The following UGT2B7 variants were observed in gnomAD, a reference collection of about 807,000 sequenced individuals.
UGT2B7 encodes UDP glucuronosyltransferase family 2 member B7, also known as UDP-glucuronosyltransferase 2B7.
In UGT2B7, 51 loss-of-function variants were observed where a neutral mutation model predicts 51.9. That is an observed-to-expected ratio of 0.98 (90% confidence interval 0.78 to 1.24). The LOEUF is 1.24. Among genes scored for constraint, UGT2B7 ranks in the 50% most tolerant of loss-of-function variants. UGT2B7 has a pLI of 0.00. For missense variants in UGT2B7, 727 were observed against 628.4 expected (o/e 1.16, Z -1.68); for synonymous variants, 225 against 211.6 (o/e 1.06, Z -0.55).
chr4:69,077,205 C>G (rs1351041645), intron 1 of UGT2B7, among the ~76,000 whole-genome samples: 2 of 152,102 alleles, frequency 1.3e-5, no homozygotes, highest in African/African-American at 4.8e-5. Context: ...GGTTTGAAGT[C>G]AGGCAGCATG....
At chr4:69,103,181 G>A (rs1459692947) in intron 3 of UGT2B7, among the ~76,000 whole-genome samples, 1 of 151,934 alleles carries the variant, frequency 6.6e-6, no homozygotes, top group East Asian at 1.9e-4. Context: ...ATGGAGAAAG[G>A]TATTTAAAAA....
At chr4:69,095,804 C>A (rs905339382), upstream of UGT2B7, among the ~76,000 whole-genome samples, 1 of 152,036 alleles carries the variant, frequency 6.6e-6, no homozygotes, top group Non-Finnish European at 1.5e-5. Flanking sequence ...CATAAATGAA[C>A]CTTTAAAATA....
chr4:69,062,042 C>T (rs902615198), intron 1 of UGT2B7, among the ~76,000 whole-genome samples: 4 of 152,128 alleles, frequency 2.6e-5, no homozygotes, highest in African/African-American at 4.8e-5. Context: ...TGGCTGAAAT[C>T]GTTCAGGACT....
At chr4:69,109,348 C>T (rs1335857763) in intron 5 of UGT2B7, among the ~76,000 whole-genome samples, 1 of 152,150 alleles carries the variant, frequency 6.6e-6, no homozygotes, top group African/African-American at 2.4e-5. Context: ...TTCATGACTA[C>T]CACCAGCAGT....
chr4:69,106,689 G>T (rs1263730449), intron 3 of UGT2B7, among the ~76,000 whole-genome samples: 1 of 151,970 alleles, frequency 6.6e-6, no homozygotes, highest in Non-Finnish European at 1.5e-5. Context: ...TTCCACAATG[G>T]TTGAACAAAC....
chr4:69,112,668 G>A lies in UGT2B7; in HGVS notation c.1522G>A (p.Val508Ile), dbSNP rs112292219. 187 of 1,613,786 alleles carry A rather than the reference G, an allele frequency of 1.2e-4. 2 individuals carry two copies. The African/African-American group carries it at 2.1e-3, about 19-fold the overall frequency. Residue 508 changes from valine (V) to isoleucine (I), a missense_variant, in exon 6 of 6, where the codon GTC becomes ATC. Val to Ile is a conservative substitution (Grantham distance 29, BLOSUM62 3). Transcript: ENST00000305231. ...CTGTGTGGCAACTGTGATATTTATC[G>A]TCACAAAATGTTGTCTGTTTTGTTT... ...LVCVATVIFI[V>I]TKCCLFCFWK...
At chr4:69,100,594 C>A (rs1325552398) in intron 2 of UGT2B7, among the ~76,000 whole-genome samples, 1 of 151,928 alleles carries the variant, frequency 6.6e-6, no homozygotes, top group Non-Finnish European at 1.5e-5. Flanking sequence ...CCACCCTACC[C>A]TACTCTTGAA....
At chr4:69,094,339 G>A (rs1719163215), upstream of UGT2B7, among the ~76,000 whole-genome samples, 2 of 47,048 alleles carry the variant, frequency 4.3e-5, 1 homozygote, top group African/African-American at 2.6e-4. Context: ...TAGTAGAGAC[G>A]GGGTTTCACC....
chr4:69,101,282 G>GA (rs891224343), intron 2 of UGT2B7, among the ~76,000 whole-genome samples: 3 of 151,760 alleles, frequency 2.0e-5, no homozygotes, highest in Non-Finnish European at 2.9e-5. Context: ...AAGCCATGAT[G>GA]AAAAAATATA....
chr4:69,075,190 G>A (rs556148013), intron 1 of UGT2B7, among the ~76,000 whole-genome samples: 1 of 152,200 alleles, frequency 6.6e-6, no homozygotes, highest in African/African-American at 2.4e-5. Context: ...GGAATTTTCA[G>A]ACATCACTGC....
intron 2 of UGT2B7, among the ~76,000 whole-genome samples, chr4:69,100,275 A>G (rs746404796): frequency 4.6e-5 from 7 of 151,974 alleles, no homozygotes; most frequent in Non-Finnish European, 1.0e-4. Context: ...TACCACTTGT[A>G]TCTGAATGGC....
At chr4:69,097,705 G>C (rs1312298879) in intron 1 of UGT2B7, among the ~76,000 whole-genome samples, 2 of 151,908 alleles carry the variant, frequency 1.3e-5, no homozygotes, top group Non-Finnish European at 2.9e-5. Flanking sequence ...ATTACCAGAA[G>C]GTTTCCTTCA....
chr4:69,104,486 G>T (rs1719531893), intron 3 of UGT2B7, among the ~76,000 whole-genome samples: 1 of 151,902 alleles, frequency 6.6e-6, no homozygotes, highest in South Asian at 2.1e-4. Flanking sequence ...TTAAAAAAAA[G>T]AAACTTCCTG....
At chr4:69,060,254 T>C (rs1224157053) in intron 1 of UGT2B7, among the ~76,000 whole-genome samples, 1 of 152,204 alleles carries the variant, frequency 6.6e-6, no homozygotes, top group Non-Finnish European at 1.5e-5. Context: ...GTGACCAGTA[T>C]TTAGGCTTCT....
chr4:69,098,847 C>T (rs768153102), intron 2 of UGT2B7, among the ~76,000 whole-genome samples, 159 bp downstream of exon 2: 27 of 151,856 alleles, frequency 1.8e-4, no homozygotes, highest in Non-Finnish European at 3.5e-4. Context: ...CACGTTAATA[C>T]CATCACACGT....
intron 1 of UGT2B7, among the ~76,000 whole-genome samples, chr4:69,062,415 G>A (rs1018489838): frequency 1.3e-5 from 2 of 152,212 alleles, no homozygotes; most frequent in Non-Finnish European, 2.9e-5. Flanking sequence ...ATGCCTATAA[G>A]TCTGGCAGAC....
At chr4:69,074,427 A>AATATATATAT (rs143693621) in intron 1 of UGT2B7, among the ~76,000 whole-genome samples, 14,712 of 115,722 alleles carry the variant, frequency 0.13, 943 homozygotes, top group African/African-American at 0.16. Flanking sequence ...CCTTATCTTA[A>AATATATATAT]ATATATATAT....
intron 1 of UGT2B7, among the ~76,000 whole-genome samples, chr4:69,078,481 T>C (rs1718766627): frequency 6.6e-6 from 1 of 152,188 alleles, no homozygotes; most frequent in Non-Finnish European, 1.5e-5. Flanking sequence ...CAGAACTTGT[T>C]TTTTCTTTCT....
chr4:69,071,714 T>C (rs1340406055), intron 1 of UGT2B7, among the ~76,000 whole-genome samples: 19 of 152,058 alleles, frequency 1.2e-4, no homozygotes, highest in African/African-American at 3.1e-4. Flanking sequence ...AAAAGAGATA[T>C]ACACTAAATA....
Sources: gnomAD v4.1 joint callset for allele counts (sites outside exome capture counted in the v4.1 genomes callset) on GRCh38, gnomAD v4.1.1 for gene constraint, MANE v1.5 for transcripts, NCBI Gene and HGNC (gene_info 2026-07-23, HGNC 2026-07-21) for gene names.